Variants in CSMD1 observed in about 807,000 individuals in gnomAD.
The protein encoded by CSMD1 is CUB and Sushi multiple domains 1.
In CSMD1, 213 loss-of-function variants were observed where a neutral mutation model predicts 417.5. That is an observed-to-expected ratio of 0.51 (90% confidence interval 0.46 to 0.57). The LOEUF (loss-of-function observed/expected upper bound fraction) is 0.57. Ranked by LOEUF, CSMD1 falls within the 20% of genes least tolerant of loss-of-function variation. The pLI is 0.00. For missense variants in CSMD1, 6,923 were observed against 4,529.7 expected, an observed-to-expected ratio of 1.53 and a Z score of -15.17; for synonymous variants, 2,862 against 1,736.8, an observed-to-expected ratio of 1.65 and a Z score of -16.11.
intron 12 of CSMD1, among the ~76,000 whole-genome samples, chr8:3,431,801 T>A (rs116327768): frequency 1.3e-5 from 2 of 152,220 alleles, no homozygotes; most frequent in Non-Finnish European, 2.9e-5. Flanking sequence ...ATTCATAACA[T>A]TGGAGAAAAC....
chr8:3,791,947 A>C (rs1799768666), intron 5 of CSMD1, among the ~76,000 whole-genome samples: 1 of 152,202 alleles, frequency 6.6e-6, no homozygotes, highest in South Asian at 2.1e-4. Flanking sequence ...CCAACCTAAT[A>C]GCTTATTATC....
chr8:3,641,792 A>T (rs773290371), intron 7 of CSMD1, among the ~76,000 whole-genome samples: 1 of 152,184 alleles, frequency 6.6e-6, no homozygotes, highest in Non-Finnish European at 1.5e-5. Context: ...CTGGTTCTCA[A>T]AAAACCATCT....
Position 3,223,736 on chromosome 8 carries a change from A to G in CSMD1, c.4477T>C (p.Phe1493Leu), listed in dbSNP as rs1329998674. ...TTCTGCAAGAGACGGTACCTTTTGA[A>G]TATCAAGGCGATGACAAAGTCCGGG... is the stretch of plus-strand genomic sequence containing the variant. ...VNPDFVIALI[F>L]KSFNMEPSYD... The change falls in exon 28 of 70, where the codon TTC (phenylalanine) becomes CTC (leucine). Residue 1493 changes from phenylalanine to leucine, a missense_variant. Transcript: ENST00000635120. 7 of 1,613,934 alleles carry G rather than the reference A, an allele frequency of 4.3e-6. 1 individual carries two copies. The South Asian group carries it at 6.6e-5, about 15-fold the overall frequency.
intron 54 of CSMD1, among the ~76,000 whole-genome samples, chr8:2,989,744 C>T (rs1656901591): frequency 6.6e-6 from 1 of 152,024 alleles, no homozygotes; most frequent in Non-Finnish European, 1.5e-5. Flanking sequence ...GTGGAACCTA[C>T]ATACAAAAAA....
chr8:4,376,226 G>A (rs1802724898), intron 3 of CSMD1, among the ~76,000 whole-genome samples: 1 of 152,114 alleles, frequency 6.6e-6, no homozygotes. Flanking sequence ...AATCGTTTTT[G>A]ACGTTTTCCT....
intron 3 of CSMD1, among the ~76,000 whole-genome samples, chr8:4,269,715 T>C (rs1014392120): frequency 1.3e-5 from 2 of 152,206 alleles, no homozygotes; most frequent in South Asian, 2.1e-4. Context: ...CCAGCATCTG[T>C]TGAATTCTTA....
intron 1 of CSMD1, among the ~76,000 whole-genome samples, chr8:4,838,508 T>A (rs1411136643): frequency 2.0e-5 from 3 of 152,212 alleles, no homozygotes; most frequent in African/African-American, 4.8e-5. Context: ...TCTCATAACT[T>A]TCCCTTGATG....
intron 1 of CSMD1, among the ~76,000 whole-genome samples, chr8:4,925,578 G>T (rs1344241389): frequency 6.8e-6 from 1 of 146,412 alleles, no homozygotes. Flanking sequence ...ACGGAGTCTC[G>T]CTCTGTCTCC....
intron 7 of CSMD1, among the ~76,000 whole-genome samples, chr8:3,680,512 C>G (rs941371300): frequency 2.0e-5 from 3 of 152,096 alleles, no homozygotes; most frequent in Non-Finnish European, 2.9e-5. Flanking sequence ...CTGAATAGAC[C>G]AATAACAGGC....
At chr8:3,076,789 T>C (rs1185145935) in intron 49 of CSMD1, among the ~76,000 whole-genome samples, 2 of 152,184 alleles carry the variant, frequency 1.3e-5, no homozygotes, top group South Asian at 2.1e-4. Context: ...CGCAAAATGC[T>C]GGGGATTCGA....
intron 1 of CSMD1, among the ~76,000 whole-genome samples, chr8:4,919,474 C>G (rs532118568): frequency 6.0e-4 from 91 of 152,054 alleles, no homozygotes; most frequent in Middle Eastern, 6.8e-3. Flanking sequence ...TTAGCCATTC[C>G]CTGGCTATTT....
chr8:4,787,452 A>G (rs1797465052), intron 1 of CSMD1: 2 of 777,538 alleles, frequency 2.6e-6, no homozygotes, highest in Admixed American at 4.0e-5. Flanking sequence ...GTAGCTAGAA[A>G]GAATCACCTG....
intron 1 of CSMD1, among the ~76,000 whole-genome samples, chr8:4,713,954 G>C (rs1382370481): frequency 6.6e-6 from 1 of 152,008 alleles, no homozygotes; most frequent in Non-Finnish European, 1.5e-5. Context: ...AAACCAGCCT[G>C]GCCAACATGG....
chr8:2,936,994 G>C lies in CSMD1; in HGVS notation c.*1591C>G, dbSNP rs1801530009. 6.6e-6 allele frequency: 1 copy of C among 152,136 alleles called. No individual in the cohort carries two copies. The highest frequency in any genetic ancestry group is 1.5e-5 in the Non-Finnish European group (1 of 68,008). The allele number at this position is 152,136 out of a possible 1,614,324, so 9.4% of individuals were successfully genotyped here. On this transcript the variant is annotated 3_prime_UTR_variant, in exon 70 of 70. Coordinates refer to ENST00000635120, the MANE Select transcript of CSMD1 (RefSeq NM_033225.6). ...AATCTGCCACAATTGAATAGGAACT[G>C]AAATATCAAATAATAAAATAAGTAC...
At chr8:3,648,324 G>C (rs1410221061) in intron 7 of CSMD1, among the ~76,000 whole-genome samples, 2 of 152,064 alleles carry the variant, frequency 1.3e-5, no homozygotes, top group African/African-American at 4.8e-5. Flanking sequence ...TGAAATAATA[G>C]TTGTTGCTAT....
At chr8:4,464,525 T>C (rs576785843) in intron 2 of CSMD1, among the ~76,000 whole-genome samples, 2 of 152,220 alleles carry the variant, frequency 1.3e-5, no homozygotes, top group Non-Finnish European at 2.9e-5. Context: ...GTGTCATTTA[T>C]TCAATATTGA....
At chr8:3,971,611 T>A (rs1341893648) in intron 5 of CSMD1, among the ~76,000 whole-genome samples, 1 of 152,134 alleles carries the variant, frequency 6.6e-6, no homozygotes, top group Admixed American at 6.5e-5. Context: ...TGACGGTCAC[T>A]TCTACTTCTA....
intron 3 of CSMD1, among the ~76,000 whole-genome samples, chr8:4,354,742 G>C (rs541797103): frequency 1.3e-5 from 2 of 152,048 alleles, no homozygotes; most frequent in Admixed American, 6.6e-5. Context: ...AGTGATGCAG[G>C]TGTTTGAATT....
At chr8:3,924,289 G>C (rs967820109) in intron 5 of CSMD1, among the ~76,000 whole-genome samples, 4 of 152,094 alleles carry the variant, frequency 2.6e-5, no homozygotes, top group African/African-American at 9.7e-5. Context: ...CTTTCCTCTT[G>C]ATGCTTTCAA....
Sources: allele counts gnomAD v4.1 joint callset (sites outside exome capture counted in the v4.1 genomes callset), GRCh38; gene constraint gnomAD v4.1.1; transcripts MANE v1.5; gene names NCBI Gene and HGNC (gene_info 2026-07-23, HGNC 2026-07-21).